DICER1: variants seen among roughly 807,000 people sequenced by gnomAD.
DICER1 encodes the protein dicer 1, ribonuclease III, also known as endoribonuclease Dicer.
A neutral mutation model predicts 194.1 loss-of-function variants in DICER1; 43 were observed. That is an observed-to-expected ratio of 0.22 (90% CI 0.17 to 0.29). The LOEUF is 0.29. DICER1 is among the 10% of genes least tolerant of loss of function. DICER1 has a pLI of 1.00. For missense variants in DICER1, 1,608 were observed against 2,317.0 expected (o/e 0.69, Z 6.28); for synonymous variants, 832 against 820.5 (o/e 1.01, Z -0.24).
At position 95,105,582 on chromosome 14, in the gene DICER1, T is replaced by C. The variant is rs1891342642; in HGVS notation, c.3093+96A>G. 4.1e-6 allele frequency: 4 copies of C among 966,786 alleles called. No homozygotes were observed. In the Admixed American group the frequency reaches 6.0e-5, roughly 14 times the overall value. 59.9% of individuals were successfully genotyped at this position (966,786 alleles called of 1,614,324 possible). On this transcript the variant is annotated intron_variant, in intron 19 of 26. Transcript: ENST00000343455. This position sits in a 1 kb window ranked among gnomAD's most constrained non-coding sequence, Gnocchi z 4.9. ...TAACTTCTAAAAAATTAACGAATCA[T>C]GCATTTAACTTGGTAAGATAAAATT...
At chr14:95,113,822 G>C (rs1892196666) in intron 11 of DICER1, among the ~76,000 whole-genome samples, 1 of 152,210 alleles carries the variant, frequency 6.6e-6, no homozygotes, top group Non-Finnish European at 1.5e-5. Context: ...TGCTGGAATG[G>C]GCAGCAGCCC....
Position 95,117,640 on chromosome 14 carries a change from T to C in DICER1, c.1491A>G (p.Glu497=), listed in dbSNP as rs755468128. The C allele has an allele frequency of 3.2e-5, 52 of 1,613,992 alleles. No individual in the cohort carries two copies. The highest frequency in any genetic ancestry group is 4.3e-5 in the Non-Finnish European group (51 of 1,179,954). The change falls in exon 9 of 27, where the codon GAA becomes GAG. Residue 497 remains glutamate (E), a synonymous_variant. Transcript: ENST00000343455. ...NQPRNKQMEA[E]FRKQEEVLRK... is the part of the protein sequence containing the mutation. ...AAGTTACCTCTTCCTGTTTTCTGAATTCTGCTTCCATCTGTTTGTTGCGAG... is the reference window on the plus strand; with the variant it reads ...AAGTTACCTCTTCCTGTTTTCTGAACTCTGCTTCCATCTGTTTGTTGCGAG...
chr14:95,152,166 C>T (rs755823063), intron 1 of DICER1, among the ~76,000 whole-genome samples: 43 of 152,180 alleles, frequency 2.8e-4, no homozygotes, highest in Admixed American at 6.5e-4. Context: ...CAGAGTTAGT[C>T]TGTGCCAACA....
chr14:95,096,721 G>T lies in DICER1; in HGVS notation c.4207-8C>A. ...CAGCATGCAGTCTTTTGTCTGAAAC[G>T]AGGGGGAATGGGGAAGGAGGGGAAA... On this transcript the variant is annotated splice_polypyrimidine_tract_variant and splice_region_variant and intron_variant, in intron 22 of 26. Transcript: ENST00000343455. 1.3e-6 allele frequency: 2 copies of T among 1,595,352 alleles called. No individual in the cohort carries two copies. Among genetic ancestry groups the T allele is most frequent in the South Asian group, 1.1e-5 (1 of 88,928 alleles).
chr14:95,107,127 C>T (rs1406119549), intron 17 of DICER1, among the ~76,000 whole-genome samples: 1 of 152,148 alleles, frequency 6.6e-6, no homozygotes, highest in African/African-American at 2.4e-5. Context: ...AAGCAATCTT[C>T]CCACCTCAGC....
At chr14:95,094,413 G>A (rs191504633) in intron 23 of DICER1, among the ~76,000 whole-genome samples, 17 of 152,264 alleles carry the variant, frequency 1.1e-4, no homozygotes, top group Admixed American at 9.1e-4. Context: ...TTGTTAAGAA[G>A]GAAAAACAAA....
At chr14:95,148,019 C>T (rs923380309) in intron 1 of DICER1, among the ~76,000 whole-genome samples, 19 of 152,144 alleles carry the variant, frequency 1.2e-4, no homozygotes, top group African/African-American at 4.1e-4. Context: ...GTCAACACAG[C>T]GAGAGTCCAT....
chr14:95,127,663 C>CA (rs572692832), intron 6 of DICER1, among the ~76,000 whole-genome samples: 1 of 152,218 alleles, frequency 6.6e-6, no homozygotes, highest in Non-Finnish European at 1.5e-5. Flanking sequence ...CACCAGCACT[C>CA]AAAAGGTTTC....
intron 1 of DICER1, among the ~76,000 whole-genome samples, chr14:95,151,037 A>C: frequency 6.6e-6 from 1 of 152,168 alleles, no homozygotes; most frequent in Non-Finnish European, 1.5e-5. Flanking sequence ...CTGAAACCTG[A>C]ATCTAATCAT....
intron 1 of DICER1, among the ~76,000 whole-genome samples, chr14:95,150,874 G>A (rs531597275): frequency 2.4e-4 from 36 of 152,246 alleles, no homozygotes; most frequent in African/African-American, 8.4e-4. Flanking sequence ...TTTGCCGGGG[G>A]AAAGAGGGGA....
chr14:95,097,030 C>T (rs1890419369), intron 22 of DICER1, among the ~76,000 whole-genome samples: 1 of 152,114 alleles, frequency 6.6e-6, no homozygotes, highest in Non-Finnish European at 1.5e-5. Context: ...AAAACTTCAA[C>T]TAAGTCGTCT....
At chr14:95,136,276 G>A (rs1894363295) in intron 1 of DICER1, among the ~76,000 whole-genome samples, 1 of 152,108 alleles carries the variant, frequency 6.6e-6, no homozygotes, top group South Asian at 2.1e-4. Flanking sequence ...GGTGATTCTG[G>A]CTAGCTCTCA....
chr14:95,108,533 T>C (rs1477134421), intron 14 of DICER1, 30 bp from the exon 15 acceptor site: 6 of 1,598,840 alleles, frequency 3.8e-6, no homozygotes, highest in African/African-American at 2.7e-5. Flanking sequence ...TTAAGCGTCA[T>C]GCTCAAGCAT....
intron 13 of DICER1, 28 bp from the exon 14 acceptor site, chr14:95,111,484 C>T (rs1482102246): frequency 1.2e-6 from 2 of 1,612,888 alleles, no homozygotes; most frequent in Non-Finnish European, 1.7e-6. Context: ...AGAATTAACA[C>T]AATCCAGATT....
rs2140113430 is a variant in DICER1 at position 95,115,733 on chromosome 14, T to C, written c.1841A>G (p.Tyr614Cys). Residue 614 changes from tyrosine to cysteine, a missense_variant, in exon 11 of 27, where the codon TAT becomes TGT. This residue lies in a region of DICER1 where 657 missense variants were observed against 910.1 expected (regional missense o/e 0.72). Transcript: ENST00000343455. The part of the protein sequence containing the change: ...VMDDDDVFPP[Y>C]VLRPDDGGPR... ...ACCACCATCGTCAGGCCTCAACACA[T>C]ATGGTGGGAAAACGTCATCATCATC... 1.2e-6 allele frequency: 2 copies of C among 1,614,124 alleles called. No homozygotes were observed. Among genetic ancestry groups the C allele is most frequent in the Non-Finnish European group, 8.5e-7 (1 of 1,180,002 alleles).
intron 23 of DICER1, 101 bp downstream of exon 23, chr14:95,095,724 G>T: frequency 2.4e-6 from 3 of 1,260,794 alleles, no homozygotes; most frequent in Non-Finnish European, 2.3e-6. Context: ...TATTAAGCAT[G>T]AACACTGTAC....
chr14:95,106,737 T>C (rs1427131068), intron 17 of DICER1, among the ~76,000 whole-genome samples: 1 of 152,194 alleles, frequency 6.6e-6, no homozygotes, highest in East Asian at 1.9e-4. Flanking sequence ...ACTGCCTGTA[T>C]TGTATTGCCC....
In DICER1 at chr14:95,117,730, T is replaced by G. The variant is rs1892607259; in HGVS notation, c.1401A>C (p.Gln467His). Residue 467 changes from glutamine (Q) to histidine (H), a missense_variant, in exon 9 of 27, where the codon CAA (glutamine) becomes CAC (histidine). This residue lies in a region of DICER1 where 657 missense variants were observed against 910.1 expected (regional missense o/e 0.72). Transcript: ENST00000343455. ...LNRLIKEAGK[Q>H]DPELAYISSN... ...TACTGATATAAGCCAGCTCTGGATC[T>G]TGTTTGCCAGCTTCCTTTATCAATC... is the stretch of plus-strand genomic sequence containing the variant. The G allele has an allele frequency of 6.2e-7, 1 of 1,614,038 alleles. No individual in the cohort carries two copies. The highest frequency in any genetic ancestry group is 1.1e-5 in the South Asian group (1 of 91,084).
chr14:95,137,219 G>A (rs1894447996), intron 1 of DICER1, among the ~76,000 whole-genome samples: 1 of 145,898 alleles, frequency 6.9e-6, no homozygotes. Flanking sequence ...AAAAAGGGAA[G>A]GGGAAAGGAA....
Sources: allele counts gnomAD v4.1 joint callset (sites outside exome capture counted in the v4.1 genomes callset), GRCh38; gene constraint gnomAD v4.1.1; regional missense constraint gnomAD v4.1.1; non-coding constraint Gnocchi (gnomAD v3.1); transcripts MANE v1.5; gene names NCBI Gene and HGNC (gene_info 2026-07-23, HGNC 2026-07-21).